Variants in DENND6A observed in about 807,000 individuals in gnomAD.
The protein encoded by DENND6A is protein DENND6A.
In DENND6A, 43 loss-of-function variants were observed where a neutral mutation model predicts 95.5. The observed-to-expected ratio is 0.45, with a 90% confidence interval of 0.35 to 0.58. The LOEUF (loss-of-function observed/expected upper bound fraction) is 0.58, where lower values mean the gene tolerates loss of function less well. Among genes scored for constraint, DENND6A ranks in the 20% least tolerant of loss-of-function variants. The probability of loss-of-function intolerance (pLI) is 0.00; values close to 1 mark genes in which losing one functional copy is unlikely to be tolerated. For missense variants in DENND6A, 574 were observed against 736.0 expected (o/e 0.78, Z 2.55); for synonymous variants, 257 against 260.4 (o/e 0.99, Z 0.13).
intron 1 of DENND6A, among the ~76,000 whole-genome samples, chr3:57,686,446 G>C (rs1165941574): frequency 6.6e-6 from 1 of 152,066 alleles, no homozygotes; most frequent in Non-Finnish European, 1.5e-5. Context: ...GGCATACCTT[G>C]TTTTATTGTG....
At chr3:57,669,642 G>C (rs1051960162) in intron 3 of DENND6A, among the ~76,000 whole-genome samples, 15 of 151,804 alleles carry the variant, frequency 9.9e-5, no homozygotes, top group Admixed American at 9.2e-4. Context: ...GTGAACCCGG[G>C]AGGCAGAGCT....
intron 9 of DENND6A, 71 bp from the exon 10 acceptor site, chr3:57,646,509 T>C: frequency 6.6e-7 from 1 of 1,504,284 alleles, no homozygotes; most frequent in Non-Finnish European, 8.9e-7. Context: ...CTACATAATC[T>C]TTCTAAAAAC....
At chr3:57,661,962 C>T (rs947555308) in intron 5 of DENND6A, among the ~76,000 whole-genome samples, 1 of 151,944 alleles carries the variant, frequency 6.6e-6, no homozygotes, top group Non-Finnish European at 1.5e-5. Flanking sequence ...ACTGTCATAG[C>T]CACATAGTTG....
At chr3:57,689,057 C>A (rs1406305760) in intron 1 of DENND6A, among the ~76,000 whole-genome samples, 1 of 151,930 alleles carries the variant, frequency 6.6e-6, no homozygotes, top group Non-Finnish European at 1.5e-5. Flanking sequence ...CAGGTTCAAG[C>A]GATTCTCCTG....
At chr3:57,657,566 A>T in intron 9 of DENND6A, 114 bp downstream of exon 9, 1 of 665,990 alleles carries the variant, frequency 1.5e-6, no homozygotes, top group South Asian at 1.8e-5. Flanking sequence ...TGTAAAACAT[A>T]ACTATTTTCT....
At chr3:57,666,307 A>C in intron 3 of DENND6A, 72 bp from the exon 4 acceptor site, 1 of 1,231,634 alleles carries the variant, frequency 8.1e-7, no homozygotes, top group South Asian at 1.4e-5. Flanking sequence ...TCAATTTTAG[A>C]GCTGAAAAAA....
intron 1 of DENND6A, among the ~76,000 whole-genome samples, chr3:57,675,839 T>C (rs1255112890): frequency 6.6e-6 from 1 of 152,244 alleles, no homozygotes; most frequent in Non-Finnish European, 1.5e-5. Context: ...CAACTGGCAC[T>C]ATACATTAGT....
rs1342298995 is a variant in DENND6A at position 57,626,274 on chromosome 3, T to C, written c.*1940A>G. 6.6e-6 allele frequency: 1 copy of C among 152,600 alleles called. No homozygotes were observed. The highest frequency in any genetic ancestry group is 1.5e-5 in the Non-Finnish European group (1 of 68,038). 9.5% of individuals were successfully genotyped at this position (152,600 alleles called of 1,614,324 possible). The stretch of plus-strand genomic sequence containing the variant: ...AGTCTTTCTTGGGTCAGGAATGCCC[T>C]TAAGAGTTATATCGACAGAGAACAA... On this transcript the variant is annotated 3_prime_UTR_variant, in exon 20 of 20. Coordinates refer to ENST00000311128, the MANE Select transcript of DENND6A (RefSeq NM_152678.3).
At chr3:57,659,293 A>T in intron 7 of DENND6A, 113 bp from the exon 8 acceptor site, 1 of 1,053,078 alleles carries the variant, frequency 9.5e-7, no homozygotes, top group Non-Finnish European at 1.4e-6. Context: ...TACAAAAACA[A>T]AATTATCTAT....
intron 8 of DENND6A, among the ~76,000 whole-genome samples, chr3:57,658,806 A>T (rs190759744): frequency 6.4e-4 from 98 of 152,304 alleles, no homozygotes; most frequent in African/African-American, 2.2e-3. Context: ...TAAAATCAGA[A>T]GTCTGCTGGT....
chr3:57,647,023 T>C (rs2071093596), intron 9 of DENND6A, among the ~76,000 whole-genome samples: 1 of 152,192 alleles, frequency 6.6e-6, no homozygotes, highest in African/African-American at 2.4e-5. Context: ...GCTAGTATGT[T>C]ACCAGGCCTA....
intron 12 of DENND6A, among the ~76,000 whole-genome samples, chr3:57,637,107 G>T (rs991709469): frequency 6.6e-6 from 1 of 152,240 alleles, no homozygotes; most frequent in Admixed American, 6.5e-5. Context: ...TCTGGTCCAA[G>T]AATACTGCAC....
chr3:57,684,884 C>T (rs2077198505), intron 1 of DENND6A, among the ~76,000 whole-genome samples: 1 of 151,544 alleles, frequency 6.6e-6, no homozygotes, highest in East Asian at 1.9e-4. Context: ...CAGGAGGTTC[C>T]CTTGAGTCCA....
intron 1 of DENND6A, among the ~76,000 whole-genome samples, chr3:57,686,737 T>C (rs938928892): frequency 2.0e-5 from 3 of 152,202 alleles, no homozygotes; most frequent in African/African-American, 7.2e-5. Context: ...AATAAATACA[T>C]GTGTTCTGAC....
intron 15 of DENND6A, among the ~76,000 whole-genome samples, chr3:57,632,484 T>C (rs2070707739): frequency 2.0e-5 from 3 of 152,158 alleles, no homozygotes; most frequent in Admixed American, 2.0e-4. Flanking sequence ...GCCTAGTCCA[T>C]GCTCATAAGC....
intron 1 of DENND6A, chr3:57,679,595 C>A: frequency 1.0e-6 from 1 of 978,734 alleles, no homozygotes; most frequent in Non-Finnish European, 1.2e-6. Flanking sequence ...ATGTTTTGGT[C>A]CTAATTAGAT....
At chr3:57,653,828 TG>T (rs1376067257) in intron 9 of DENND6A, among the ~76,000 whole-genome samples, 2 of 144,438 alleles carry the variant, frequency 1.4e-5, no homozygotes, top group African/African-American at 5.5e-5. Flanking sequence ...AGGAAATCAC[TG>T]GGTTTTTTTT....
intron 1 of DENND6A, among the ~76,000 whole-genome samples, chr3:57,674,732 A>G (rs1001840256): frequency 2.0e-5 from 3 of 152,250 alleles, no homozygotes; most frequent in Admixed American, 1.3e-4. Flanking sequence ...AATGCCCATC[A>G]ATGAGAGACT....
intron 1 of DENND6A, among the ~76,000 whole-genome samples, chr3:57,692,108 AC>A (rs2077271748): frequency 6.6e-6 from 1 of 151,496 alleles, no homozygotes; most frequent in East Asian, 1.9e-4. Context: ...CATGCCTGTA[AC>A]CCCAGCTACT....
Sources: gnomAD v4.1 joint callset for allele counts (sites outside exome capture counted in the v4.1 genomes callset) on GRCh38, gnomAD v4.1.1 for gene constraint, MANE v1.5 for transcripts, NCBI Gene and HGNC (gene_info 2026-07-23, HGNC 2026-07-21) for gene names.